The following TANC1 variants were observed in gnomAD, a reference collection of about 807,000 sequenced individuals.
TANC1 encodes the protein protein TANC1.
In TANC1, 77 loss-of-function variants were observed where a neutral mutation model predicts 149.7. That is an observed-to-expected ratio of 0.51 (90% CI 0.43 to 0.62). The LOEUF (loss-of-function observed/expected upper bound fraction) is 0.62, where lower values mean the gene tolerates loss of function less well. TANC1 is among the 20% of genes least tolerant of loss of function. TANC1 has a pLI of 0.00. For synonymous variants in TANC1, 854 were observed against 925.0 expected (o/e 0.92, Z 1.39); for missense variants, 1,985 against 2,321.8 (o/e 0.85, Z 2.98).
chr2:158,972,083 A>G (rs904473709), intron 1 of TANC1, among the ~76,000 whole-genome samples: 1 of 152,172 alleles, frequency 6.6e-6, no homozygotes, highest in Admixed American at 6.5e-5. Context: ...ATGGTAATAA[A>G]ACTTTCTCCT....
At chr2:159,075,671 A>G (rs912380904) in intron 3 of TANC1, among the ~76,000 whole-genome samples, 2 of 152,076 alleles carry the variant, frequency 1.3e-5, no homozygotes, top group Non-Finnish European at 2.9e-5. Flanking sequence ...TTTAAATACA[A>G]TGTCATTTTT....
chr2:159,178,992 G>A lies in TANC1; in HGVS notation c.2339G>A (p.Gly780Asp), dbSNP rs754048357. ...DEQIFQAINAGHIQGEQGWED... is the reference protein window; with the variant it reads ...DEQIFQAINADHIQGEQGWED... ...CAGATCTTTCAGGCTATTAATGCTGGCCACATCCAGGGGGAGCAGGGATGG... is the reference window on the plus strand; with the variant it reads ...CAGATCTTTCAGGCTATTAATGCTGACCACATCCAGGGGGAGCAGGGATGG... The change falls in exon 14 of 27, where the codon GGC becomes GAC. Residue 780 changes from glycine (G) to aspartate (D), a missense_variant. By Grantham distance (94) the Gly-to-Asp change is moderately conservative (BLOSUM62 -1). This residue lies in a region of TANC1 where 508 missense variants were observed against 714.2 expected (regional missense o/e 0.71). Transcript: ENST00000263635. The A allele has an allele frequency of 5.6e-6, 9 of 1,614,130 alleles. No homozygotes were observed. In the South Asian group the frequency reaches 6.6e-5, roughly 12 times the overall value.
intron 1 of TANC1, among the ~76,000 whole-genome samples, chr2:158,985,484 C>T (rs1448703416): frequency 1.3e-5 from 2 of 152,160 alleles, no homozygotes; most frequent in African/African-American, 4.8e-5. Flanking sequence ...GGCTGAACAG[C>T]GGGTTTTGTA....
At chr2:158,974,438 A>G (rs188720541) in intron 1 of TANC1, among the ~76,000 whole-genome samples, 107 of 152,108 alleles carry the variant, frequency 7.0e-4, no homozygotes, top group African/African-American at 2.4e-3. Flanking sequence ...TATATTTTTT[A>G]ATTTTATTAT....
intron 19 of TANC1, among the ~76,000 whole-genome samples, chr2:159,214,515 T>C (rs533763987): frequency 9.7e-4 from 148 of 152,312 alleles, no homozygotes; most frequent in African/African-American, 3.4e-3. Flanking sequence ...AACACACATG[T>C]TGGTACCAGC....
intron 4 of TANC1, among the ~76,000 whole-genome samples, chr2:159,112,989 AG>A (rs2047905946): frequency 6.6e-6 from 1 of 152,028 alleles, no homozygotes; most frequent in Admixed American, 6.6e-5. Context: ...TGTGTCACCC[AG>A]GCTGGGGAAT....
chr2:159,163,612 T>G, intron 8 of TANC1, 66 bp downstream of exon 8: 1 of 1,548,536 alleles, frequency 6.5e-7, no homozygotes, highest in East Asian at 2.3e-5. Context: ...GTTCACTGTC[T>G]TCACATGGGA....
chr2:159,083,478 G>A (rs1046479057), intron 3 of TANC1, among the ~76,000 whole-genome samples: 3 of 151,992 alleles, frequency 2.0e-5, no homozygotes, highest in Non-Finnish European at 4.4e-5. Context: ...TGAGTGAAAG[G>A]GTTCCATTAG....
intron 14 of TANC1, among the ~76,000 whole-genome samples, chr2:159,184,471 C>G (rs563430570): frequency 6.6e-6 from 1 of 152,240 alleles, no homozygotes; most frequent in East Asian, 1.9e-4. Flanking sequence ...GGTCATCACC[C>G]TGTAAAGTGA....
chr2:159,079,346 C>CTTTTTTTTTTTTTTTTTTTTT (rs68143585), intron 3 of TANC1, among the ~76,000 whole-genome samples: 1 of 109,920 alleles, frequency 9.1e-6, no homozygotes. Context: ...GTGTGTGTGT[C>CTTTTTTTTTTTTTTTTTTTTT]TTTTTTTTTT....
chr2:159,119,573 T>A (rs925739293), intron 4 of TANC1, among the ~76,000 whole-genome samples: 6 of 152,186 alleles, frequency 3.9e-5, no homozygotes, highest in Non-Finnish European at 7.3e-5. Context: ...CCAATAAAAA[T>A]TCGACATCAA....
At chr2:159,013,950 G>A (rs1190654885) in intron 2 of TANC1, among the ~76,000 whole-genome samples, 1 of 152,124 alleles carries the variant, frequency 6.6e-6, no homozygotes, top group Admixed American at 6.5e-5. Flanking sequence ...TCTTCTCCCT[G>A]TATCTCTTCA....
chr2:159,059,650 A>G (rs1373526742), intron 2 of TANC1, among the ~76,000 whole-genome samples: 5 of 152,096 alleles, frequency 3.3e-5, no homozygotes, highest in Non-Finnish European at 4.4e-5. Flanking sequence ...AAGTTCCGTT[A>G]GTTGTTTCCA....
chr2:159,125,232 A>G (rs973975860), intron 4 of TANC1, among the ~76,000 whole-genome samples: 1 of 152,156 alleles, frequency 6.6e-6, no homozygotes, highest in Non-Finnish European at 1.5e-5. Context: ...ACGCCTGGTG[A>G]GGCTCCAGCT....
intron 2 of TANC1, among the ~76,000 whole-genome samples, chr2:159,064,667 A>C (rs1158364865): frequency 2.0e-5 from 3 of 152,194 alleles, no homozygotes; most frequent in Non-Finnish European, 4.4e-5. Context: ...ACAGGCTTGG[A>C]CCAAATGATA....
At chr2:159,223,707 T>A (rs910982246) in intron 22 of TANC1, among the ~76,000 whole-genome samples, 8 of 152,328 alleles carry the variant, frequency 5.3e-5, no homozygotes, top group African/African-American at 1.9e-4. Context: ...GTATCAAACT[T>A]GCCATCTTTA....
intron 5 of TANC1, among the ~76,000 whole-genome samples, chr2:159,143,244 G>A (rs1229003758): frequency 6.6e-6 from 1 of 152,056 alleles, no homozygotes; most frequent in Non-Finnish European, 1.5e-5. Context: ...CTCTCGTAAT[G>A]TGATGTTTTG....
chr2:159,025,128 T>G (rs1457431918), intron 2 of TANC1, among the ~76,000 whole-genome samples: 2 of 152,096 alleles, frequency 1.3e-5, no homozygotes, highest in Non-Finnish European at 2.9e-5. Context: ...TTAACTTCCT[T>G]TCTTGCTTTC....
chr2:159,155,152 G>A (rs1028150173), intron 7 of TANC1, among the ~76,000 whole-genome samples: 4 of 152,282 alleles, frequency 2.6e-5, no homozygotes, highest in Non-Finnish European at 5.9e-5. Context: ...TTGTGTTTAT[G>A]TACATATCGT....
Sources: gnomAD v4.1 joint callset for allele counts (sites outside exome capture counted in the v4.1 genomes callset) on GRCh38, gnomAD v4.1.1 for gene constraint, gnomAD v4.1.1 regional missense constraint, MANE v1.5 for transcripts, NCBI Gene and HGNC (gene_info 2026-07-23, HGNC 2026-07-21) for gene names.